Variants in SPIRE1 observed in about 807,000 individuals in gnomAD.
The protein encoded by SPIRE1 is spire type actin nucleation factor 1, also known as protein spire homolog 1.
SPIRE1 carries 40 observed loss-of-function variants against 94.1 expected under a neutral mutation model. That is an observed-to-expected ratio of 0.43 (90% CI 0.33 to 0.55). SPIRE1 has a LOEUF of 0.55. Among genes scored for constraint, SPIRE1 ranks in the 20% least tolerant of loss-of-function variants. The pLI is 0.06. For missense variants in SPIRE1, 838 were observed against 975.2 expected, an observed-to-expected ratio of 0.86 and a Z score of 1.87; for synonymous variants, 376 against 371.7, an observed-to-expected ratio of 1.01 and a Z score of -0.13.
chr18:12,492,059 A>G (rs1212528033), intron 8 of SPIRE1, among the ~76,000 whole-genome samples: 1 of 152,218 alleles, frequency 6.6e-6, no homozygotes, highest in African/African-American at 2.4e-5. Context: ...ATAAGGCTCT[A>G]TCTAGCAGAC....
At chr18:12,498,099 T>C (rs572175798) in intron 6 of SPIRE1, among the ~76,000 whole-genome samples, 2 of 152,354 alleles carry the variant, frequency 1.3e-5, no homozygotes, top group East Asian at 3.9e-4. Context: ...ATTTACATTA[T>C]ACTTATCAAA....
intron 8 of SPIRE1, 102 bp downstream of exon 8, chr18:12,492,970 T>C: frequency 2.2e-6 from 3 of 1,346,364 alleles, no homozygotes; most frequent in Non-Finnish European, 2.0e-6. Flanking sequence ...TACAGAGAAA[T>C]GAACAAGGAA....
rs1303003158 is a variant in SPIRE1, at chr18:12,475,490, A to G, written c.1404+4209T>C. Among the ~76,000 whole-genome samples the G allele has an allele frequency of 3.9e-5, 6 of 152,200 alleles. No individual in the cohort carries two copies. In the East Asian group the frequency reaches 1.2e-3, roughly 29 times the overall value. The stretch of plus-strand genomic sequence containing the variant: ...CTGAAGGCATTCAATAAATATTTGA[A>G]TGGAAAAAATGGAGTGGTACTGGAA... On this transcript the variant is annotated intron_variant, in intron 10 of 16. Coordinates refer to ENST00000409402, the MANE Select transcript of SPIRE1 (RefSeq NM_001128626.2).
Position 12,479,506 on chromosome 18 carries a change from T to C in SPIRE1, c.1404+193A>G, listed in dbSNP as rs371725434. ...TAGTGTTCTATAATTATAGCCACTATATTGGTCTTTACTAATAGAAAGTAA... is the reference window on the plus strand; with the variant it reads ...TAGTGTTCTATAATTATAGCCACTACATTGGTCTTTACTAATAGAAAGTAA... On this transcript the variant is annotated intron_variant, in intron 10 of 16. Coordinates refer to ENST00000409402, the MANE Select transcript of SPIRE1 (RefSeq NM_001128626.2). Among the ~76,000 whole-genome samples, 30 of 152,324 alleles carry C rather than the reference T, an allele frequency of 2.0e-4. No individual in the cohort carries two copies. The South Asian group carries it at 5.6e-3, about 28-fold the overall frequency.
chr18:12,591,847 T>C (rs118155239), intron 2 of SPIRE1, among the ~76,000 whole-genome samples: 11,128 of 151,604 alleles, frequency 0.073, 549 homozygotes, highest in Non-Finnish European at 0.097. Context: ...TGGGCACCTG[T>C]AGTTCCAGCT....
intron 4 of SPIRE1, among the ~76,000 whole-genome samples, chr18:12,530,560 G>A (rs1009008820): frequency 2.6e-5 from 4 of 151,964 alleles, no homozygotes; most frequent in African/African-American, 7.3e-5. Flanking sequence ...CAAAACACCT[G>A]GTCTCGGCCT....
At chr18:12,637,604 C>CCT (rs1030646041) in intron 1 of SPIRE1, among the ~76,000 whole-genome samples, 3 of 152,020 alleles carry the variant, frequency 2.0e-5, no homozygotes, top group Non-Finnish European at 4.4e-5. Flanking sequence ...AGAAAAGGAG[C>CCT]CCTGTGGTGG....
intron 1 of SPIRE1, among the ~76,000 whole-genome samples, chr18:12,637,012 G>T (rs2144829498): frequency 6.6e-6 from 1 of 152,302 alleles, no homozygotes; most frequent in South Asian, 2.1e-4. Context: ...AAGAGAGAGA[G>T]GGAGGAAGAG....
In SPIRE1 at chr18:12,462,848, GA is replaced by G. The variant is rs891107895; in HGVS notation, c.1638+502del. ...CTTTCAACCACTGATAAATTTTCTT[GA>G]AAAAAAAAAAGAGCTCAAAATGAAC... is the stretch of plus-strand genomic sequence containing the variant. On this transcript the variant is annotated intron_variant, in intron 12 of 16. Coordinates refer to ENST00000409402, the MANE Select transcript of SPIRE1 (RefSeq NM_001128626.2). Among the ~76,000 whole-genome samples, 544 of 143,452 alleles carry G rather than the reference GA, an allele frequency of 3.8e-3. 3 individuals are homozygous for G. The highest frequency in any genetic ancestry group is 5.7e-3 in the African/African-American group (226 of 39,354). 94.1% of individuals were successfully genotyped at this position (143,452 alleles called of 152,430 possible).
At chr18:12,522,971 G>A (rs1254946177) in intron 4 of SPIRE1, among the ~76,000 whole-genome samples, 1 of 152,130 alleles carries the variant, frequency 6.6e-6, no homozygotes, top group Non-Finnish European at 1.5e-5. Context: ...TCATATTTAA[G>A]AACTACATTT....
chr18:12,544,104 T>C (rs1232880120), intron 3 of SPIRE1, among the ~76,000 whole-genome samples: 1 of 152,148 alleles, frequency 6.6e-6, no homozygotes, highest in Admixed American at 6.5e-5. Context: ...ACAGGTGAGG[T>C]TGTGATATTC....
chr18:12,600,446 G>GT (rs2036800569), intron 2 of SPIRE1, among the ~76,000 whole-genome samples: 1 of 152,130 alleles, frequency 6.6e-6, no homozygotes, highest in Non-Finnish European at 1.5e-5. Context: ...AAATCAACAG[G>GT]TATTTAACAG....
At chr18:12,585,507 T>C (rs1209958512) in intron 2 of SPIRE1, among the ~76,000 whole-genome samples, 2 of 152,214 alleles carry the variant, frequency 1.3e-5, no homozygotes, top group African/African-American at 4.8e-5. Flanking sequence ...TTTGAGAAAG[T>C]TTCTATCTCT....
chr18:12,485,271 A>G (rs954388613), intron 9 of SPIRE1, among the ~76,000 whole-genome samples: 2 of 151,774 alleles, frequency 1.3e-5, no homozygotes, highest in Non-Finnish European at 2.9e-5. Context: ...CGCCTGGCTA[A>G]TTTTTTTGTA....
chr18:12,589,419 C>G (rs1273156807), intron 2 of SPIRE1, among the ~76,000 whole-genome samples: 1 of 152,132 alleles, frequency 6.6e-6, no homozygotes, highest in African/African-American at 2.4e-5. Context: ...TGAAGGCCGC[C>G]CACTCTGCCA....
intron 2 of SPIRE1, among the ~76,000 whole-genome samples, chr18:12,569,960 G>A (rs977274812): frequency 6.6e-6 from 1 of 152,198 alleles, no homozygotes; most frequent in Non-Finnish European, 1.5e-5. Flanking sequence ...CCTGTGTGGG[G>A]TCAACAGACA....
intron 10 of SPIRE1, among the ~76,000 whole-genome samples, chr18:12,472,491 C>T (rs1425838445): frequency 1.3e-5 from 2 of 151,356 alleles, no homozygotes; most frequent in East Asian, 3.9e-4. Flanking sequence ...CCTCAGCCTC[C>T]CAAGTAGCTG....
chr18:12,631,548 CAAAAAAAAAAAAAAAAAA>C (rs869278182), intron 2 of SPIRE1, among the ~76,000 whole-genome samples: 2 of 63,804 alleles, frequency 3.1e-5, no homozygotes, highest in Non-Finnish European at 5.5e-5. Flanking sequence ...CCCATCTCTA[CAAAAAAAAAAAAAAAAAA>C]AAAAAAAAAC....
At chr18:12,491,126 G>C (rs987933490) in intron 8 of SPIRE1, among the ~76,000 whole-genome samples, 13 of 151,310 alleles carry the variant, frequency 8.6e-5, no homozygotes, top group African/African-American at 3.2e-4. Context: ...TTAATAAGGA[G>C]GTAAAAGACT....
Sources: gnomAD v4.1 joint callset for allele counts (sites outside exome capture counted in the v4.1 genomes callset) on GRCh38, gnomAD v4.1.1 for gene constraint, MANE v1.5 for transcripts, NCBI Gene and HGNC (gene_info 2026-07-23, HGNC 2026-07-21) for gene names.